Variants in PTCH2 observed in about 807,000 individuals in gnomAD.
PTCH2 encodes the protein protein patched homolog 2.
PTCH2 carries 96 observed loss-of-function variants against 117.9 expected under a neutral mutation model. The observed-to-expected ratio is 0.81, with a 90% CI of 0.69 to 0.96. PTCH2 has a LOEUF of 0.96. Ranked by LOEUF, PTCH2 falls within the 50% of genes least tolerant of loss-of-function variation. PTCH2 has a pLI of 0.00. For synonymous variants in PTCH2, 615 were observed against 660.9 expected (o/e 0.93, Z 1.06); for missense variants, 1,379 against 1,562.5 (o/e 0.88, Z 1.98).
chr1:44,842,566 C>T (rs1306416657), intron 1 of PTCH2, among the ~76,000 whole-genome samples: 2 of 152,182 alleles, frequency 1.3e-5, no homozygotes, highest in Non-Finnish European at 2.9e-5. Flanking sequence ...CGTGAGTCAC[C>T]GCGCCCGGCC....
Position 44,822,503 on chromosome 1 carries a change from T to C in PTCH2, c.3524A>G (p.His1175Arg). Reference sequence around the variant, plus strand: ...CCAAGGGGGCTCATCAGGGGCTGGATGGATGTAGGCACCAGGCAGGGGGGG... The same window carrying C: ...CCAAGGGGGCTCATCAGGGGCTGGACGGATGTAGGCACCAGGCAGGGGGGG... ...HPPPLPGAYI[H>R]PAPDEPPWSP... is the part of the protein sequence containing the mutation. Residue 1175 changes from histidine (H) to arginine (R), a missense_variant, in exon 22 of 22, where the codon CAT becomes CGT. Transcript: ENST00000372192. The C allele has an allele frequency of 6.2e-7, 1 of 1,613,810 alleles. No individual in the cohort carries two copies. The highest frequency in any genetic ancestry group is 8.5e-7 in the Non-Finnish European group (1 of 1,179,848).
At chr1:44,832,384 G>C in intron 2 of PTCH2, 43 bp from the exon 3 acceptor site, 1 of 1,609,238 alleles carries the variant, frequency 6.2e-7, no homozygotes, top group East Asian at 2.2e-5. Flanking sequence ...AAGGGCCTAG[G>C]CGGGTCAGAA....
At chr1:44,820,417 C>T (rs767173269), downstream of PTCH2, 3 of 657,434 alleles carry the variant, frequency 4.6e-6, no homozygotes, top group South Asian at 3.0e-5. Flanking sequence ...AGCCTCCGGG[C>T]TTAGAGAGAG....
At position 44,827,599 on chromosome 1, in the gene PTCH2, G is replaced by C. The variant is rs1243955468; in HGVS notation, c.2174C>G (p.Ala725Gly). The change falls in exon 15 of 22, where the codon GCC (alanine) becomes GGC (glycine). Residue 725 changes from alanine to glycine, a missense_variant. Transcript: ENST00000372192. ...DVVPRGTKEH[A>G]FLSAQLRYFS... ...GTACCTGAGCTGGGCGCTCAGGAAG[G>C]CATGCTCCTTGGTGCCCCGAGGCAC... is the stretch of plus-strand genomic sequence containing the variant. 2 of 1,614,014 alleles carry C rather than the reference G, an allele frequency of 1.2e-6. No individual in the cohort carries two copies. Among genetic ancestry groups the C allele is most frequent in the Middle Eastern group, 1.6e-4 (1 of 6,062 alleles).
chr1:44,843,131 C>G lies in PTCH2; in HGVS notation c.-199G>C. On this transcript the variant is annotated 5_prime_UTR_variant, in exon 1 of 22. Coordinates refer to ENST00000372192, the MANE Select transcript of PTCH2 (RefSeq NM_003738.5). ...AGTGCAGGGAGCTGCGGGTCCGGGG[C>G]GCGGCGCCGGGATTCACCCGCTCCG... 1 of 1,300,176 alleles carries G rather than the reference C, an allele frequency of 7.7e-7. No homozygotes were observed. The highest frequency in any genetic ancestry group is 9.8e-7 in the Non-Finnish European group (1 of 1,025,620). The allele number at this position is 1,300,176 out of a possible 1,614,324, so 80.5% of individuals were successfully genotyped here. A position where few individuals can be genotyped will look rare whatever the true frequency, so the allele number is the denominator to read the frequency against.
chr1:44,826,276 C>A lies in PTCH2; in HGVS notation c.3088G>T (p.Val1030Phe), dbSNP rs199862624. The change falls in exon 19 of 22, where the codon GTT (valine) becomes TTT (phenylalanine). Residue 1030 changes from valine (V) to phenylalanine (F), a missense_variant. Transcript: ENST00000372192. This position sits in a 1 kb window ranked among gnomAD's most constrained non-coding sequence, Gnocchi z 5.1. ...VILVASVGIG[V>F]EFTVHVALGF... ...AGAGCCACGTGGACTGTGAACTCAA[C>A]GCCAATGCCTACAGAGGCCACAAGG... 5 of 1,614,136 alleles carry A rather than the reference C, an allele frequency of 3.1e-6. No individual in the cohort carries two copies. The highest frequency in any genetic ancestry group is 4.2e-6 in the Non-Finnish European group (5 of 1,180,042).
Position 44,829,506 on chromosome 1 carries a change from C to G in PTCH2, c.1111G>C (p.Ala371Pro), listed in dbSNP as rs201191113. The G allele has an allele frequency of 4.3e-5, 70 of 1,614,052 alleles. No homozygotes were observed. Among genetic ancestry groups the G allele is most frequent in the Non-Finnish European group, 5.6e-5 (66 of 1,180,042 alleles). ...GAGAAGGCATGGATCTGCTGGGAAG[C>G]GTTCTCAGGCAGGGCCTCCTGGGCC... ...QLAQEALPEN[A>P]SQQIHAFSST... The change falls in exon 9 of 22, where the codon GCT (alanine) becomes CCT (proline). Residue 371 changes from alanine (A) to proline (P), a missense_variant. Ala to Pro is a conservative substitution (Grantham distance 27). Transcript: ENST00000372192.
chr1:44,829,031 A>AATAC lies in PTCH2; in HGVS notation c.1411_1414dup (p.Phe472CysfsTer93). On this transcript the variant is annotated frameshift_variant, in exon 11 of 22. Coordinates refer to ENST00000372192, the MANE Select transcript of PTCH2 (RefSeq NM_003738.5). LOFTEE classifies it high-confidence loss of function. Reference sequence around the variant, plus strand: ...CTCTGTGAAGGCATGCGCCAGCAGGAATACGTCATCCACGCCGATTCCCAG... The same window carrying AATAC: ...CTCTGTGAAGGCATGCGCCAGCAGGAATACATACGTCATCCACGCCGATTCCCAG... The AATAC allele has an allele frequency of 6.3e-7, 1 of 1,590,732 alleles. No homozygotes were observed. The highest frequency in any genetic ancestry group is 8.6e-7 in the Non-Finnish European group (1 of 1,168,418).
rs2148871030 is a variant in PTCH2, at chr1:44,822,482, G to A, written c.3545C>T (p.Pro1182Leu). Residue 1182 changes from proline to leucine, a missense_variant, in exon 22 of 22, where the codon CCT (proline) becomes CTT (leucine). By Grantham distance (98) the Pro-to-Leu change is moderately conservative (BLOSUM62 -3). Transcript: ENST00000372192. ...AYIHPAPDEP[P>L]WSPAATSSGN... ...AGAGCTAGTGGCAGCAGGGGACCAA[G>A]GGGGCTCATCAGGGGCTGGATGGAT... 6.2e-7 allele frequency: 1 copy of A among 1,613,990 alleles called. No individual in the cohort carries two copies. The highest frequency in any genetic ancestry group is 8.5e-7 in the Non-Finnish European group (1 of 1,179,966).
At position 44,841,701 on chromosome 1, in the gene PTCH2, T is replaced by G. The variant is rs567705132; in HGVS notation, c.265+146A>C. The stretch of plus-strand genomic sequence containing the variant: ...TGGTTGTGGGAGGGAACGGTGTTCC[T>G]AGATGCCCAGGTGTAGGACTCTGGC... On this transcript the variant is annotated intron_variant, in intron 2 of 21. Transcript: ENST00000372192. The G allele has an allele frequency of 5.1e-5, 40 of 786,744 alleles. No individual in the cohort carries two copies. In the South Asian group the frequency reaches 5.7e-4, roughly 11 times the overall value. 48.7% of individuals were successfully genotyped at this position (786,744 alleles called of 1,614,324 possible).
chr1:44,831,717 G>A lies in PTCH2; in HGVS notation c.606C>T (p.Ser202=), dbSNP rs61757785. 3.9e-5 allele frequency: 61 copies of A among 1,560,138 alleles called. 1 individual carries two copies. In the African/African-American group the frequency reaches 4.9e-4, roughly 13 times the overall value. Residue 202 remains serine, a synonymous_variant, in exon 5 of 22, where the codon TCC becomes TCT. Coordinates refer to ENST00000372192, the MANE Select transcript of PTCH2 (RefSeq NM_003738.5). This position sits in a 1 kb window ranked among gnomAD's most constrained non-coding sequence, Gnocchi z 4.3. ...GGAGTGGCACTCACGGCAGGTAGGC[G>A]GAGCCCCCTTGGAGTTTGGCTCCCT... ...FWEGAKLQGG[S]AYLPGRPDIQ...
chr1:44,833,552 T>G (rs1487503316), intron 2 of PTCH2, among the ~76,000 whole-genome samples: 2 of 145,496 alleles, frequency 1.4e-5, no homozygotes, highest in African/African-American at 5.1e-5. Context: ...TCCTCCCACC[T>G]CAGCCTCCCA....
In PTCH2 at chr1:44,823,122, G is replaced by A; in HGVS notation, c.3304C>T (p.His1102Tyr). 6.2e-7 allele frequency: 1 copy of A among 1,614,054 alleles called. No homozygotes were observed. The highest frequency in any genetic ancestry group is 8.5e-7 in the Non-Finnish European group (1 of 1,180,010). ...LTVLTLLGLL[H>Y]GLVLLPVLLS... ...AGCACAGGCAGCAGCACGAGTCCAT[G>A]GAGGAGGCCCAGGAGCGTGAGCACT... Residue 1102 changes from histidine (H) to tyrosine (Y), a missense_variant, in exon 21 of 22, where the codon CAT becomes TAT. Coordinates refer to ENST00000372192, the MANE Select transcript of PTCH2 (RefSeq NM_003738.5). The surrounding 1 kb of genome is among the most constrained non-coding windows in gnomAD (Gnocchi z 5.1).
At position 44,822,515 on chromosome 1, in the gene PTCH2, C is replaced by T. The variant is rs2148871081; in HGVS notation, c.3512G>A (p.Gly1171Asp). The T allele has an allele frequency of 1.2e-6, 2 of 1,613,978 alleles. No individual in the cohort carries two copies. Among genetic ancestry groups the T allele is most frequent in the Non-Finnish European group, 1.7e-6 (2 of 1,179,948 alleles). The change falls in exon 22 of 22, where the codon GGT becomes GAT. Residue 1171 changes from glycine to aspartate, a missense_variant. Coordinates refer to ENST00000372192, the MANE Select transcript of PTCH2 (RefSeq NM_003738.5). Reference sequence around the variant, plus strand: ...ATCAGGGGCTGGATGGATGTAGGCACCAGGCAGGGGGGGTGGGTGGATGGC... The same window carrying T: ...ATCAGGGGCTGGATGGATGTAGGCATCAGGCAGGGGGGGTGGGTGGATGGC... ...TVAIHPPPLP[G>D]AYIHPAPDEP...
rs1198565661 is a variant in PTCH2, at chr1:44,843,005, C to T, written c.-73G>A. 1 of 1,458,292 alleles carries T rather than the reference C, an allele frequency of 6.9e-7. No individual in the cohort carries two copies. The highest frequency in any genetic ancestry group is 1.4e-5 in the African/African-American group (1 of 69,762). 90.3% of individuals were successfully genotyped at this position (1,458,292 alleles called of 1,614,324 possible). ...GCGCTCCCATAGGCTAGCCCGGTCT[C>T]CCGGTACCGCTGGGCCCCGCGTAGG... is the stretch of plus-strand genomic sequence containing the variant. On this transcript the variant is annotated 5_prime_UTR_variant, in exon 1 of 22. Transcript: ENST00000372192.
At chr1:44,829,793 A>C (rs1653349628) in intron 7 of PTCH2, 32 bp from the exon 8 acceptor site, 1 of 1,614,056 alleles carries the variant, frequency 6.2e-7, no homozygotes, top group African/African-American at 1.3e-5. Flanking sequence ...CAGGGGTCAG[A>C]GCTGGCCCAA....
At position 44,831,814 on chromosome 1, in the gene PTCH2, G is replaced by C; in HGVS notation, c.526-17C>G. 5 of 1,609,456 alleles carry C rather than the reference G, an allele frequency of 3.1e-6. No individual in the cohort carries two copies. Among genetic ancestry groups the C allele is most frequent in the Non-Finnish European group, 4.2e-6 (5 of 1,176,726 alleles). On this transcript the variant is annotated splice_polypyrimidine_tract_variant and intron_variant, in intron 4 of 21. Coordinates refer to ENST00000372192, the MANE Select transcript of PTCH2 (RefSeq NM_003738.5). The surrounding 1 kb of genome is among the most constrained non-coding windows in gnomAD (Gnocchi z 4.3). ...CTCAATCATCTGCCAGGGATACCCCGGGCCACGTCAGTCCTGCCCCACAAC... is the reference window on the plus strand; with the variant it reads ...CTCAATCATCTGCCAGGGATACCCCCGGCCACGTCAGTCCTGCCCCACAAC...
rs149189451 is a variant in PTCH2 at position 44,826,368 on chromosome 1, A to T, written c.2996T>A (p.Met999Lys). The T allele has an allele frequency of 1.9e-6, 3 of 1,613,988 alleles. No individual in the cohort carries two copies. In the African/African-American group the frequency reaches 4.0e-5, roughly 22 times the overall value. The change falls in exon 19 of 22, where the codon ATG becomes AAG. Residue 999 changes from methionine to lysine, a missense_variant. Physicochemically the swap from Met to Lys is moderately conservative, Grantham distance 95. Coordinates refer to ENST00000372192, the MANE Select transcript of PTCH2 (RefSeq NM_003738.5). The surrounding 1 kb of genome is among the most constrained non-coding windows in gnomAD (Gnocchi z 5.1). ...CATGATACCAAAGAGTTCCACTGTCATCATCGCCAGGACCAGCACCTGAGG... is the reference window on the plus strand; with the variant it reads ...CATGATACCAAAGAGTTCCACTGTCTTCATCGCCAGGACCAGCACCTGAGG... ...AGLIVLVLAM[M>K]TVELFGIMGF...
downstream of PTCH2, chr1:44,820,286 T>C: frequency 4.3e-6 from 2 of 465,626 alleles, no homozygotes; most frequent in Non-Finnish European, 8.5e-6. Flanking sequence ...TCTCCTATGC[T>C]CCTCTCTGCT....
Sources: gnomAD v4.1 joint callset for allele counts (sites outside exome capture counted in the v4.1 genomes callset) on GRCh38, gnomAD v4.1.1 for gene constraint, Gnocchi (gnomAD v3.1) non-coding constraint, MANE v1.5 for transcripts, NCBI Gene and HGNC (gene_info 2026-07-23, HGNC 2026-07-21) for gene names.